The following SPDYA variants were observed in gnomAD, a reference collection of about 807,000 sequenced individuals.
The protein encoded by SPDYA is speedy/RINGO cell cycle regulator family member A.
A neutral mutation model predicts 36.7 loss-of-function variants in SPDYA; 11 were observed. The observed-to-expected ratio is 0.30, with a 90% CI of 0.19 to 0.50. The LOEUF (loss-of-function observed/expected upper bound fraction) is 0.50. Among genes scored for constraint, SPDYA ranks in the 20% least tolerant of loss-of-function variants. The pLI is 0.98. For synonymous variants in SPDYA, 115 were observed against 118.7 expected, an observed-to-expected ratio of 0.97 and a Z score of 0.20; for missense variants, 287 against 370.9, an observed-to-expected ratio of 0.77 and a Z score of 1.86.
intron 5 of SPDYA, among the ~76,000 whole-genome samples, chr2:28,825,931 G>A (rs1355804352): frequency 1.3e-5 from 2 of 151,576 alleles, no homozygotes; most frequent in Non-Finnish European, 2.9e-5. Flanking sequence ...TTTTTTTAAA[G>A]ATGGAGTTTT....
At chr2:28,816,713 A>C (rs780014414) in intron 3 of SPDYA, among the ~76,000 whole-genome samples, 5 of 152,210 alleles carry the variant, frequency 3.3e-5, no homozygotes, top group African/African-American at 4.8e-5. Context: ...CATTGTTAAA[A>C]ATTAACTATG....
At chr2:28,845,753 C>T (rs1366588019) in intron 7 of SPDYA, among the ~76,000 whole-genome samples, 1 of 151,978 alleles carries the variant, frequency 6.6e-6, no homozygotes, top group Non-Finnish European at 1.5e-5. Context: ...CCATGTTGGT[C>T]AGGCTGGTCT....
At position 28,848,126 on chromosome 2, in the gene SPDYA, T is replaced by C. The variant is rs548791362; in HGVS notation, c.851-1724T>C. On this transcript the variant is annotated intron_variant, in intron 7 of 7. Coordinates refer to ENST00000334056, the MANE Select transcript of SPDYA (RefSeq NM_182756.4). The stretch of plus-strand genomic sequence containing the variant: ...TGTATAACTGTATCTGGAAATGTTA[T>C]AAAAGCTATAAAGGCATCATTATTA... Among the ~76,000 whole-genome samples the C allele has an allele frequency of 2.6e-5, 4 of 152,320 alleles. No homozygotes were observed. The South Asian group carries it at 6.2e-4, about 24-fold the overall frequency.
rs1270416517 is a variant in SPDYA, at chr2:28,814,596, C to T, written c.-92-17C>T. 6.6e-6 allele frequency: 1 copy of T among 152,158 alleles called. No individual in the cohort carries two copies. Among genetic ancestry groups the T allele is most frequent in the African/African-American group, 2.4e-5 (1 of 41,426 alleles). The allele number at this position is 152,158 out of a possible 1,614,324, so 9.4% of individuals were successfully genotyped here. A position where few individuals can be genotyped will look rare whatever the true frequency, so the allele number is the denominator to read the frequency against. ...CAGTGCTGTTCTAACCTCGCTAAAT[C>T]CAATCTTATTTTCCAGTCCTTCCTT... On this transcript the variant is annotated splice_polypyrimidine_tract_variant and intron_variant, in intron 1 of 7. Coordinates refer to ENST00000334056, the MANE Select transcript of SPDYA (RefSeq NM_182756.4).
chr2:28,812,483 A>AAGAT (rs1667871110), intron 1 of SPDYA, among the ~76,000 whole-genome samples: 1 of 151,834 alleles, frequency 6.6e-6, no homozygotes, highest in African/African-American at 2.4e-5. Flanking sequence ...GAAAGAAAGA[A>AAGAT]AGAAAGAAAA....
At chr2:28,848,906 C>T (rs146328294) in intron 7 of SPDYA, among the ~76,000 whole-genome samples, 630 of 152,048 alleles carry the variant, frequency 4.1e-3, no homozygotes, top group Non-Finnish European at 7.8e-3. Context: ...ATTGGCTGGG[C>T]GTGGTGGCAT....
chr2:28,843,441 T>C (rs1306542206), intron 7 of SPDYA, among the ~76,000 whole-genome samples: 1 of 151,514 alleles, frequency 6.6e-6, no homozygotes, highest in Non-Finnish European at 1.5e-5. Context: ...TCCCAGCTAC[T>C]CAGGAGGCTG....
At chr2:28,812,718 G>T (rs188658278) in intron 1 of SPDYA, among the ~76,000 whole-genome samples, 2 of 151,778 alleles carry the variant, frequency 1.3e-5, no homozygotes, top group African/African-American at 4.8e-5. Flanking sequence ...TTAGCGGGGC[G>T]TGGTGGCAGG....
At position 28,840,482 on chromosome 2, in the gene SPDYA, A is replaced by G. The variant is rs1668724056; in HGVS notation, c.850+13A>G. On this transcript the variant is annotated intron_variant, in intron 7 of 7. Transcript: ENST00000334056. ...ACTGGTTCTGAAGGTATGATTTAGT[A>G]ATATGCCAGAATTAGATTTATGCAT... 6.2e-7 allele frequency: 1 copy of G among 1,611,354 alleles called. No homozygotes were observed.
intron 1 of SPDYA, among the ~76,000 whole-genome samples, chr2:28,813,848 G>A (rs761874820): frequency 2.6e-5 from 4 of 152,074 alleles, no homozygotes; most frequent in South Asian, 2.1e-4. Flanking sequence ...CACTGCGCCC[G>A]GCTCTTCTAT....
intron 3 of SPDYA, among the ~76,000 whole-genome samples, chr2:28,817,740 A>G (rs1381120243): frequency 6.8e-6 from 1 of 147,614 alleles, no homozygotes; most frequent in Non-Finnish European, 1.5e-5. Flanking sequence ...AATCCCAGCT[A>G]CTTGGGAGGC....
At chr2:28,848,729 C>T (rs558829938) in intron 7 of SPDYA, among the ~76,000 whole-genome samples, 3 of 152,198 alleles carry the variant, frequency 2.0e-5, no homozygotes, top group African/African-American at 7.2e-5. Flanking sequence ...ATTTACCCTC[C>T]AAGGCATTAC....
chr2:28,849,520 G>C (rs997490225), intron 7 of SPDYA, among the ~76,000 whole-genome samples: 2 of 152,212 alleles, frequency 1.3e-5, no homozygotes, highest in Non-Finnish European at 2.9e-5. Context: ...TCGAACTCCT[G>C]ACCTCAGGTG....
At position 28,813,398 on chromosome 2, in the gene SPDYA, ATG is replaced by A. The variant is rs371930771; in HGVS notation, c.-92-1212_-92-1211del. On this transcript the variant is annotated intron_variant, in intron 1 of 7. Coordinates refer to ENST00000334056, the MANE Select transcript of SPDYA (RefSeq NM_182756.4). ...TTGAGTAAAACTTATCTTCTGGAAT[ATG>A]TGCCACAGTTATTTTGTGTTCTGGT... is the stretch of plus-strand genomic sequence containing the variant. Among the ~76,000 whole-genome samples the A allele has an allele frequency of 1.8e-3, 270 of 152,294 alleles. 1 individual carries two copies. Among genetic ancestry groups the A allele is most frequent in the Non-Finnish European group, 2.4e-3 (160 of 68,024 alleles).
At chr2:28,849,255 C>T (rs953856144) in intron 7 of SPDYA, among the ~76,000 whole-genome samples, 1 of 152,050 alleles carries the variant, frequency 6.6e-6, no homozygotes, top group Non-Finnish European at 1.5e-5. Context: ...AATAATAAGT[C>T]CCATTTGTAA....
intron 5 of SPDYA, among the ~76,000 whole-genome samples, chr2:28,826,924 T>TG (rs752166310): frequency 3.3e-4 from 50 of 150,622 alleles, no homozygotes; most frequent in South Asian, 2.7e-3. Flanking sequence ...TCCCCATCTT[T>TG]GCTATTTTCT....
intron 5 of SPDYA, among the ~76,000 whole-genome samples, chr2:28,824,152 T>G (rs1668254165): frequency 6.6e-6 from 1 of 152,070 alleles, no homozygotes; most frequent in Admixed American, 6.6e-5. Context: ...TTACTCAAAG[T>G]GTATTTAATT....
At chr2:28,813,170 A>G (rs1667896086) in intron 1 of SPDYA, among the ~76,000 whole-genome samples, 1 of 152,164 alleles carries the variant, frequency 6.6e-6, no homozygotes, top group African/African-American at 2.4e-5. Flanking sequence ...CCACTTGGGG[A>G]ATTTCAGACA....
chr2:28,812,619 G>T (rs1034948414), intron 1 of SPDYA, among the ~76,000 whole-genome samples: 4 of 151,962 alleles, frequency 2.6e-5, no homozygotes, highest in African/African-American at 9.7e-5. Flanking sequence ...CGCTTTGGGA[G>T]GCCGAGGCGG....
Sources: gnomAD v4.1 joint callset for allele counts (sites outside exome capture counted in the v4.1 genomes callset) on GRCh38, gnomAD v4.1.1 for gene constraint, MANE v1.5 for transcripts, NCBI Gene and HGNC (gene_info 2026-07-23, HGNC 2026-07-21) for gene names.